Variants in APOBEC3C observed in about 807,000 individuals in gnomAD.
The protein encoded by APOBEC3C is apolipoprotein B mRNA editing enzyme catalytic subunit 3C, also known as DNA dC->dU-editing enzyme APOBEC-3C.
Under a neutral mutation model 20.6 loss-of-function variants are expected in APOBEC3C, and 14 were observed. The observed-to-expected ratio is 0.68, with a 90% CI of 0.45 to 1.06. The LOEUF (loss-of-function observed/expected upper bound fraction) is 1.06, where lower values mean the gene tolerates loss of function less well. Among genes scored for constraint, APOBEC3C ranks in the 50% least tolerant of loss-of-function variants. The pLI is 0.00. For synonymous variants in APOBEC3C, 98 were observed against 88.8 expected, an observed-to-expected ratio of 1.10 and a Z score of -0.58; for missense variants, 244 against 241.9, an observed-to-expected ratio of 1.01 and a Z score of -0.06.
At position 39,018,389 on chromosome 22, in the gene APOBEC3C, G is replaced by A. The variant is rs757667243; in HGVS notation, c.*2G>A. ...AGGCTACGGGAGAGTCTCCAGTGAG[G>A]GGTCTCCCTGGGCCTCATGGTCTGT... On this transcript the variant is annotated 3_prime_UTR_variant, in exon 4 of 4. Transcript: ENST00000361441. 3.1e-6 allele frequency: 5 copies of A among 1,612,808 alleles called. No homozygotes were observed. The African/African-American group carries it at 4.0e-5, about 13-fold the overall frequency.
At chr22:39,015,895 A>C in intron 2 of APOBEC3C, 144 bp downstream of exon 2, 1 of 624,998 alleles carries the variant, frequency 1.6e-6, no homozygotes, top group Non-Finnish European at 2.4e-6. Context: ...TTTTTTTTTG[A>C]GATGGAGTCT....
intron 2 of APOBEC3C, among the ~76,000 whole-genome samples, chr22:39,016,036 C>A (rs1924768783): frequency 6.6e-6 from 1 of 151,814 alleles, no homozygotes; most frequent in Non-Finnish European, 1.5e-5. Flanking sequence ...CCACCATGCC[C>A]AGCCAATTCT....
At position 39,018,510 on chromosome 22, in the gene APOBEC3C, G is replaced by GAT; in HGVS notation, c.*123_*124insAT. On this transcript the variant is annotated 3_prime_UTR_variant, in exon 4 of 4. Transcript: ENST00000361441. Reference sequence around the variant, plus strand: ...CATCCTGAGCCCCTCCTGGCCTCAGGGCCATTCCACAGTGCTCCCCTGCCT... The same window carrying GAT: ...CATCCTGAGCCCCTCCTGGCCTCAGGATGCCATTCCACAGTGCTCCCCTGCCT... 2 of 1,216,536 alleles carry GAT rather than the reference G, an allele frequency of 1.6e-6. No homozygotes were observed. Among genetic ancestry groups the GAT allele is most frequent in the Non-Finnish European group, 2.3e-6 (2 of 865,778 alleles). The allele number at this position is 1,216,536 out of a possible 1,614,324, so 75.4% of individuals were successfully genotyped here.
At chr22:39,017,196 C>A (rs1924813991) in intron 2 of APOBEC3C, among the ~76,000 whole-genome samples, 1 of 151,782 alleles carries the variant, frequency 6.6e-6, no homozygotes, top group Non-Finnish European at 1.5e-5. Flanking sequence ...TGTGCCACTG[C>A]ACTCCAGCCT....
Position 39,019,798 on chromosome 22 carries a change from C to A in APOBEC3C, c.*1411C>A. ...GGATCTCTCTGCCTCCAAATATCAT[C>A]TTTTTTTTTTTTTTTTTTTTTTTTG... On this transcript the variant is annotated 3_prime_UTR_variant, in exon 4 of 4. Transcript: ENST00000361441. 1 of 81,290 alleles carries A rather than the reference C, an allele frequency of 1.2e-5. No homozygotes were observed. The highest frequency in any genetic ancestry group is 2.2e-5 in the Non-Finnish European group (1 of 46,364). 5.0% of individuals were successfully genotyped at this position (81,290 alleles called of 1,614,324 possible).
chr22:39,020,337 G>T lies in APOBEC3C; in HGVS notation c.*1950G>T, dbSNP rs948605475. ...TGTCACCCTTAACAAGAAATAAAGT[G>T]TCCTTTGCAAATGCATCCCTTGTGT... On this transcript the variant is annotated 3_prime_UTR_variant, in exon 4 of 4. Transcript: ENST00000361441. 5 of 152,236 alleles carry T rather than the reference G, an allele frequency of 3.3e-5. No individual in the cohort carries two copies. The highest frequency in any genetic ancestry group is 1.2e-4 in the African/African-American group (5 of 41,454). The allele number at this position is 152,236 out of a possible 1,614,324, so 9.4% of individuals were successfully genotyped here.
chr22:39,016,190 A>ATTTATTTATTTATTTAT (rs145889122), intron 2 of APOBEC3C, among the ~76,000 whole-genome samples: 14,486 of 141,414 alleles, frequency 0.1, 1,189 homozygotes, highest in East Asian at 0.3. Context: ...TCCTCCCCAC[A>ATTTATTTATTTATTTAT]TTATTTATTT....
Position 39,019,577 on chromosome 22 carries a change from C to T in APOBEC3C, c.*1190C>T, listed in dbSNP as rs1047348239. 6.6e-6 allele frequency: 1 copy of T among 152,116 alleles called. No individual in the cohort carries two copies. The highest frequency in any genetic ancestry group is 1.5e-5 in the Non-Finnish European group (1 of 68,034). 9.4% of individuals were successfully genotyped at this position (152,116 alleles called of 1,614,324 possible). ...TCTCCATAAAAATGACCCTTTCATG[C>T]TGTGGCCTCCATAGAAGATGTCCCA... On this transcript the variant is annotated 3_prime_UTR_variant, in exon 4 of 4. Coordinates refer to ENST00000361441, the MANE Select transcript of APOBEC3C (RefSeq NM_014508.3).
chr22:39,016,184 C>G (rs1478483782), intron 2 of APOBEC3C, among the ~76,000 whole-genome samples: 1 of 73,690 alleles, frequency 1.4e-5, no homozygotes, highest in Non-Finnish European at 2.8e-5. Flanking sequence ...CTGGCCTCCT[C>G]CCCACATTAT....
chr22:39,018,149 G>A (rs1320814384), intron 3 of APOBEC3C, 104 bp downstream of exon 3: 1 of 1,575,222 alleles, frequency 6.3e-7, no homozygotes, highest in African/African-American at 1.3e-5. Flanking sequence ...GGGTGTCTGT[G>A]GGGACCGGGC....
chr22:39,015,662 G>A lies in APOBEC3C; in HGVS notation c.85G>A (p.Asp29Asn), dbSNP rs984904323. Residue 29 changes from aspartate to asparagine, a missense_variant, in exon 2 of 4, where the codon GAT (aspartate) becomes AAT (asparagine). By Grantham distance (23) the Asp-to-Asn change is conservative. Transcript: ENST00000361441. ...FQFKNLWEAN[D>N]RNETWLCFTV... is the part of the protein sequence containing the mutation. ...ATTTAAAAACCTATGGGAAGCCAAC[G>A]ATCGGAACGAAACTTGGCTGTGCTT... 6 of 1,614,024 alleles carry A rather than the reference G, an allele frequency of 3.7e-6. No homozygotes were observed. The highest frequency in any genetic ancestry group is 2.2e-5 in the East Asian group (1 of 44,896).
At position 39,015,902 on chromosome 22, in the gene APOBEC3C, G is replaced by A. The variant is rs1458413004; in HGVS notation, c.174+151G>A. 4.2e-6 allele frequency: 3 copies of A among 711,904 alleles called. No homozygotes were observed. The East Asian group carries it at 8.9e-5, about 21-fold the overall frequency. 44.1% of individuals were successfully genotyped at this position (711,904 alleles called of 1,614,324 possible). A position where few individuals can be genotyped will look rare whatever the true frequency, so the allele number is the denominator to read the frequency against. Reference sequence around the variant, plus strand: ...TTTTTTTTTTTTTTTTTGAGATGGAGTCTCGCTCTGTCACCCAGGCTGGAA... The same window carrying A: ...TTTTTTTTTTTTTTTTTGAGATGGAATCTCGCTCTGTCACCCAGGCTGGAA... On this transcript the variant is annotated intron_variant, in intron 2 of 3. Coordinates refer to ENST00000361441, the MANE Select transcript of APOBEC3C (RefSeq NM_014508.3).
rs1446458583 is a variant in APOBEC3C, at chr22:39,019,431, G to C, written c.*1044G>C. Reference sequence around the variant, plus strand: ...ACATGGTGAACACCATCCGGACTCCGTGTATGTCTCAAATTACAATTCTTT... The same window carrying C: ...ACATGGTGAACACCATCCGGACTCCCTGTATGTCTCAAATTACAATTCTTT... On this transcript the variant is annotated 3_prime_UTR_variant, in exon 4 of 4. Transcript: ENST00000361441. The C allele has an allele frequency of 6.6e-6, 1 of 152,158 alleles. No homozygotes were observed. The highest frequency in any genetic ancestry group is 1.9e-4 in the East Asian group (1 of 5,198). The allele number at this position is 152,158 out of a possible 1,614,324, so 9.4% of individuals were successfully genotyped here.
At position 39,016,174 on chromosome 22, in the gene APOBEC3C, CT is replaced by C. The variant is rs1198600071; in HGVS notation, c.174+424del. Among the ~76,000 whole-genome samples, 4 of 103,420 alleles carry C rather than the reference CT, an allele frequency of 3.9e-5. No individual in the cohort carries two copies. In the East Asian group the frequency reaches 1.4e-3, roughly 35 times the overall value. The allele number at this position is 103,420 out of a possible 152,430, so 67.8% of individuals were successfully genotyped here. A position where few individuals can be genotyped will look rare whatever the true frequency, so the allele number is the denominator to read the frequency against. Reference sequence around the variant, plus strand: ...ATTACATGCGTGAGACACCATGCCCCTGGCCTCCTCCCCACATTATTTATTT... The same window carrying C: ...ATTACATGCGTGAGACACCATGCCCCGGCCTCCTCCCCACATTATTTATTT... On this transcript the variant is annotated intron_variant, in intron 2 of 3. Transcript: ENST00000361441.
rs537607172 is a variant in APOBEC3C at position 39,014,303 on chromosome 22, A to T, written c.-60A>T. The T allele has an allele frequency of 2.4e-5, 39 of 1,609,624 alleles. No individual in the cohort carries two copies. The highest frequency in any genetic ancestry group is 2.7e-5 in the African/African-American group (2 of 74,956). On this transcript the variant is annotated 5_prime_UTR_variant, in exon 1 of 4. Transcript: ENST00000361441. ...CTGCAAGGACGCTGTAAGCAGGAAG[A>T]GAAGCCACAGCGCTTCAGAAAAGAG...
At chr22:39,016,924 A>C (rs1883277) in intron 2 of APOBEC3C, among the ~76,000 whole-genome samples, 103,033 of 152,124 alleles carry the variant, frequency 0.68, 35,305 homozygotes, top group African/African-American at 0.75. Context: ...CAGGGAAAGA[A>C]TCAATAAAAT....
chr22:39,017,195 G>C (rs1202606600), intron 2 of APOBEC3C, among the ~76,000 whole-genome samples: 2 of 151,934 alleles, frequency 1.3e-5, no homozygotes, highest in Admixed American at 6.6e-5. Context: ...TTGTGCCACT[G>C]CACTCCAGCC....
rs777726652 is a variant in APOBEC3C at position 39,017,859 on chromosome 22, T to G, written c.268T>G (p.Trp90Gly). The G allele has an allele frequency of 7.4e-6, 12 of 1,614,156 alleles. No individual in the cohort carries two copies. Residue 90 changes from tryptophan (W) to glycine (G), a missense_variant, in exon 3 of 4, where the codon TGG becomes GGG. Coordinates refer to ENST00000361441, the MANE Select transcript of APOBEC3C (RefSeq NM_014508.3). ...TCCTAACACAAAGTACCAGGTCACC[T>G]GGTACACATCTTGGAGCCCTTGCCC... The part of the protein sequence containing the change: ...LSPNTKYQVT[W>G]YTSWSPCPDC...
chr22:39,018,357 G>A lies in APOBEC3C; in HGVS notation c.543G>A (p.Leu181=). Residue 181 remains leucine (L), a synonymous_variant, in exon 4 of 4, where the codon CTG becomes CTA. Coordinates refer to ENST00000361441, the MANE Select transcript of APOBEC3C (RefSeq NM_014508.3). The stretch of plus-strand genomic sequence containing the variant: ...GATTAAAAACCAACTTTCGACTTCT[G>A]AAAAGAAGGCTACGGGAGAGTCTCC... ...WKGLKTNFRL[L]KRRLRESLQ is the part of the protein sequence containing the mutation. 1.2e-6 allele frequency: 2 copies of A among 1,614,142 alleles called. No individual in the cohort carries two copies. Among genetic ancestry groups the A allele is most frequent in the Non-Finnish European group, 8.5e-7 (1 of 1,179,996 alleles).
Sources: allele counts gnomAD v4.1 joint callset (sites outside exome capture counted in the v4.1 genomes callset), GRCh38; gene constraint gnomAD v4.1.1; transcripts MANE v1.5; gene names NCBI Gene and HGNC (gene_info 2026-07-23, HGNC 2026-07-21).